The following FRMD3 variants were observed in gnomAD, a reference collection of about 807,000 sequenced individuals.
FRMD3 encodes the protein FERM domain-containing protein 3.
Under a neutral mutation model 70.2 loss-of-function variants are expected in FRMD3, and 33 were observed. The observed-to-expected ratio is 0.47, with a 90% CI of 0.36 to 0.63. FRMD3 has a LOEUF of 0.63. Among genes scored for constraint, FRMD3 ranks in the 20% least tolerant of loss-of-function variants. The pLI is 0.00. For missense variants in FRMD3, 632 were observed against 711.4 expected, an observed-to-expected ratio of 0.89 and a Z score of 1.27; for synonymous variants, 279 against 255.9, an observed-to-expected ratio of 1.09 and a Z score of -0.86.
At chr9:83,493,913 C>G (rs1315570229) in intron 1 of FRMD3, among the ~76,000 whole-genome samples, 1 of 152,230 alleles carries the variant, frequency 6.6e-6, no homozygotes, top group African/African-American at 2.4e-5. Flanking sequence ...GGAGCACATG[C>G]TGTGATGGCG....
chr9:83,410,524 C>T lies in FRMD3; in HGVS notation c.148-20816G>A, dbSNP rs556425551. 2.6e-5 allele frequency among the ~76,000 whole-genome samples: 4 copies of T among 152,312 alleles called. No individual in the cohort carries two copies. In the East Asian group the frequency reaches 5.8e-4, roughly 22 times the overall value. ...AGTATTCCACTGTGTATAGGTACCA[C>T]ATTTTCTTTATCCGCTCCACCACTG... is the stretch of plus-strand genomic sequence containing the variant. On this transcript the variant is annotated intron_variant, in intron 1 of 13. Transcript: ENST00000304195.
chr9:83,277,162 TAGA>T (rs1219061234), intron 13 of FRMD3, among the ~76,000 whole-genome samples: 1 of 152,210 alleles, frequency 6.6e-6, no homozygotes, highest in East Asian at 1.9e-4. Context: ...TATAAAATTA[TAGA>T]AGAATATTTA....
Position 83,346,595 on chromosome 9 carries a change from G to A in FRMD3, c.374+3084C>T, listed in dbSNP as rs573534881. 2.0e-5 allele frequency among the ~76,000 whole-genome samples: 3 copies of A among 152,324 alleles called. No homozygotes were observed. In the East Asian group the frequency reaches 5.8e-4, roughly 29 times the overall value. On this transcript the variant is annotated intron_variant, in intron 4 of 13. Coordinates refer to ENST00000304195, the MANE Select transcript of FRMD3 (RefSeq NM_174938.6). ...GTGCAAAATTTCCTACTGGGGTGAT[G>A]AAAATGTTTTGGAATCAGATCATGG...
the FRMD3 span, among the ~76,000 whole-genome samples, chr9:83,558,904 T>C: frequency 1.3e-5 from 2 of 152,212 alleles, no homozygotes; most frequent in Non-Finnish European, 2.9e-5. Flanking sequence ...AAGTGGAGCC[T>C]GGACATTGAC....
chr9:83,482,174 C>T (rs1030756509), intron 1 of FRMD3, among the ~76,000 whole-genome samples: 2 of 152,160 alleles, frequency 1.3e-5, no homozygotes, highest in African/African-American at 2.4e-5. Context: ...TCGTTTACAG[C>T]GAACTCCTAC....
At chr9:83,456,550 T>A (rs1827822798) in intron 1 of FRMD3, among the ~76,000 whole-genome samples, 1 of 152,234 alleles carries the variant, frequency 6.6e-6, no homozygotes, top group Non-Finnish European at 1.5e-5. Flanking sequence ...TTTTCCCCAC[T>A]GCTTTTGCCA....
At chr9:83,496,740 AC>A (rs1215749567) in intron 1 of FRMD3, among the ~76,000 whole-genome samples, 1 of 152,220 alleles carries the variant, frequency 6.6e-6, no homozygotes, top group Non-Finnish European at 1.5e-5. Context: ...TTATGAATGA[AC>A]ACTGTTGTTT....
chr9:83,545,504 C>A, the FRMD3 span, among the ~76,000 whole-genome samples: 2 of 151,402 alleles, frequency 1.3e-5, no homozygotes, highest in Non-Finnish European at 2.9e-5. Flanking sequence ...ACTACAAGCG[C>A]CCACCACCAC....
chr9:83,426,083 C>T (rs549144834), intron 1 of FRMD3, among the ~76,000 whole-genome samples: 6 of 152,170 alleles, frequency 3.9e-5, no homozygotes, highest in African/African-American at 1.4e-4. Flanking sequence ...ATTTTAAACC[C>T]GCTAATGTTG....
intron 6 of FRMD3, among the ~76,000 whole-genome samples, chr9:83,334,199 C>T (rs1246662307): frequency 6.6e-6 from 1 of 152,068 alleles, no homozygotes; most frequent in African/African-American, 2.4e-5. Context: ...ACATTTGTCT[C>T]CAAAATAGCA....
At chr9:83,513,313 TCCACCCAAAATA>T (rs1829381152) in intron 1 of FRMD3, among the ~76,000 whole-genome samples, 3 of 152,194 alleles carry the variant, frequency 2.0e-5, no homozygotes, top group African/African-American at 7.2e-5. Flanking sequence ...TCTGGAAGGT[TCCACCCAAAATA>T]TCTGCAGAGA....
chr9:83,386,943 G>A (rs1825528712), intron 2 of FRMD3, among the ~76,000 whole-genome samples: 1 of 152,160 alleles, frequency 6.6e-6, no homozygotes. Flanking sequence ...GAGATGATGT[G>A]TACTTCTCAG....
chr9:83,349,306 T>C (rs1165973466), intron 4 of FRMD3, among the ~76,000 whole-genome samples: 1 of 152,112 alleles, frequency 6.6e-6, no homozygotes, highest in Non-Finnish European at 1.5e-5. Flanking sequence ...CAGGCGATCT[T>C]TTCCCTCCCA....
chr9:83,452,610 C>T (rs1282119708), intron 1 of FRMD3, among the ~76,000 whole-genome samples: 22 of 150,636 alleles, frequency 1.5e-4, no homozygotes, highest in African/African-American at 4.9e-4. Context: ...GCCTCCCAAG[C>T]AGCTGGGACT....
intron 12 of FRMD3, among the ~76,000 whole-genome samples, chr9:83,294,841 G>C (rs1255958316): frequency 6.6e-6 from 1 of 152,206 alleles, no homozygotes; most frequent in Non-Finnish European, 1.5e-5. Flanking sequence ...CTGTCCTCCT[G>C]TTTCTGGCTA....
At chr9:83,335,806 C>A (rs1419898814) in intron 5 of FRMD3, among the ~76,000 whole-genome samples, 167 bp from the exon 6 acceptor site, 1 of 152,168 alleles carries the variant, frequency 6.6e-6, no homozygotes, top group Non-Finnish European at 1.5e-5. Flanking sequence ...GGCTCATATT[C>A]CAGTTCAGAT....
chr9:83,487,467 T>C (rs1047534993), intron 1 of FRMD3, among the ~76,000 whole-genome samples: 1 of 152,212 alleles, frequency 6.6e-6, no homozygotes, highest in Non-Finnish European at 1.5e-5. Flanking sequence ...ATCTTAGATA[T>C]CTGCTAAAAA....
At chr9:83,497,203 G>A (rs10780607) in intron 1 of FRMD3, among the ~76,000 whole-genome samples, 101,107 of 152,092 alleles carry the variant, frequency 0.66, 34,096 homozygotes, top group African/African-American at 0.77. Context: ...TTCCATTTGT[G>A]TTTCAGTTCA....
At chr9:83,571,656 T>C in the FRMD3 span, among the ~76,000 whole-genome samples, 1 of 152,208 alleles carries the variant, frequency 6.6e-6, no homozygotes, top group Non-Finnish European at 1.5e-5. Flanking sequence ...CAGCTAAACA[T>C]AAGTCCACAC....
Sources: gnomAD v4.1 joint callset for allele counts (sites outside exome capture counted in the v4.1 genomes callset) on GRCh38, gnomAD v4.1.1 for gene constraint, MANE v1.5 for transcripts, NCBI Gene and HGNC (gene_info 2026-07-23, HGNC 2026-07-21) for gene names.